The following COL4A4 variants were observed in gnomAD, a reference collection of about 807,000 sequenced individuals.
COL4A4 encodes collagen type IV alpha 4 chain, also known as collagen alpha-4(IV) chain.
COL4A4 carries 105 observed loss-of-function variants against 192.9 expected under a neutral mutation model. That is an observed-to-expected ratio of 0.54 (90% CI 0.46 to 0.64). COL4A4 has a LOEUF of 0.64. Ranked by LOEUF, COL4A4 falls within the 30% of genes least tolerant of loss-of-function variation. COL4A4 has a pLI of 0.00. For synonymous variants in COL4A4, 762 were observed against 769.9 expected, an observed-to-expected ratio of 0.99 and a Z score of 0.17; for missense variants, 1,967 against 2,169.3, an observed-to-expected ratio of 0.91 and a Z score of 1.85.
At chr2:226,988,871 A>AC in the COL4A4 span, 1 of 211,340 alleles carries the variant, frequency 4.7e-6, no homozygotes, top group Non-Finnish European at 8.2e-6. Flanking sequence ...ACTCCTTGTC[A>AC]AAGGAGATCC....
intron 29 of COL4A4, among the ~76,000 whole-genome samples, chr2:227,056,329 G>A (rs1368311471): frequency 6.6e-6 from 1 of 152,148 alleles, no homozygotes. Context: ...ATGTTTCCCA[G>A]TAGGGATGAA....
At chr2:226,970,595 G>A in the COL4A4 span, among the ~76,000 whole-genome samples, 1 of 152,204 alleles carries the variant, frequency 6.6e-6, no homozygotes, top group Admixed American at 6.5e-5. Context: ...CAGGCAGCAG[G>A]TGTGTAGCAT....
intron 31 of COL4A4, among the ~76,000 whole-genome samples, chr2:227,052,647 T>C (rs1382410812): frequency 6.6e-6 from 1 of 152,224 alleles, no homozygotes; most frequent in Non-Finnish European, 1.5e-5. Context: ...GAGTGCTCAC[T>C]GAATGTTTGC....
Position 227,103,284 on chromosome 2 carries a change from A to C in COL4A4, c.817-87T>G, listed in dbSNP as rs114177330. 1.5e-3 allele frequency: 1,640 copies of C among 1,100,028 alleles called. 10 individuals are homozygous for C. The African/African-American group carries it at 0.024, about 16-fold the overall frequency. 68.1% of individuals were successfully genotyped at this position (1,100,028 alleles called of 1,614,324 possible). A position where few individuals can be genotyped will look rare whatever the true frequency, so the allele number is the denominator to read the frequency against. On this transcript the variant is annotated intron_variant, in intron 13 of 47. Transcript: ENST00000396625. Reference sequence around the variant, plus strand: ...TCCTTCAGAAATCATCTCTTTTTACAATCTGTTTCACCTTAAAAAAAAAAA... The same window carrying C: ...TCCTTCAGAAATCATCTCTTTTTACCATCTGTTTCACCTTAAAAAAAAAAA...
chr2:226,995,758 T>C, the COL4A4 span: 1 of 523,566 alleles, frequency 1.9e-6, no homozygotes, highest in Non-Finnish European at 3.4e-6. Flanking sequence ...ACTTCCTCCA[T>C]GAAGAGACCA....
downstream of COL4A4, chr2:226,998,269 G>C (rs1959980901): frequency 6.6e-6 from 1 of 152,158 alleles, no homozygotes; most frequent in Admixed American, 6.5e-5. Context: ...CTTTTAAATT[G>C]CCTGCTGCAG....
intron 26 of COL4A4, among the ~76,000 whole-genome samples, chr2:227,060,610 G>A (rs1436377936): frequency 6.6e-6 from 1 of 152,124 alleles, no homozygotes; most frequent in African/African-American, 2.4e-5. Context: ...GGTGGCCAGT[G>A]TCTACCTTGA....
the COL4A4 span, among the ~76,000 whole-genome samples, chr2:226,984,655 G>A: frequency 5.3e-5 from 8 of 152,166 alleles, no homozygotes; most frequent in Admixed American, 3.3e-4. Flanking sequence ...CCCTGGGGTC[G>A]TAGGCTAAGG....
chr2:226,992,678 C>T, the COL4A4 span, among the ~76,000 whole-genome samples: 1 of 152,192 alleles, frequency 6.6e-6, no homozygotes, highest in Non-Finnish European at 1.5e-5. Flanking sequence ...TTTCTGTTTT[C>T]AGATAGCAGT....
At chr2:226,999,018 A>G (rs1960255626), downstream of COL4A4, 1 of 151,066 alleles carries the variant, frequency 6.6e-6, no homozygotes, top group South Asian at 2.1e-4. Flanking sequence ...AACAGACACA[A>G]CCACATCTAC....
Position 227,031,828 on chromosome 2 carries a change from C to T in COL4A4, c.3817+117G>A, listed in dbSNP as rs543108143. The stretch of plus-strand genomic sequence containing the variant: ...GTGTCCCACTTATCGACCTGCCAAG[C>T]TGATGGGGGGCTGCTTCAGTGCTTC... On this transcript the variant is annotated intron_variant, in intron 40 of 47. Coordinates refer to ENST00000396625, the MANE Select transcript of COL4A4 (RefSeq NM_000092.5). 5.4e-5 allele frequency: 43 copies of T among 801,776 alleles called. No homozygotes were observed. In the South Asian group the frequency reaches 6.0e-4, roughly 11 times the overall value. The allele number at this position is 801,776 out of a possible 1,614,324, so 49.7% of individuals were successfully genotyped here.
At chr2:226,967,908 CTG>C in the COL4A4 span, among the ~76,000 whole-genome samples, 1 of 152,102 alleles carries the variant, frequency 6.6e-6, no homozygotes, top group Non-Finnish European at 1.5e-5. Flanking sequence ...AAGAGAAACT[CTG>C]TAACCTGTTG....
intron 3 of COL4A4, among the ~76,000 whole-genome samples, chr2:227,143,562 T>C (rs929325249): frequency 1.3e-5 from 2 of 152,218 alleles, no homozygotes; most frequent in Non-Finnish European, 2.9e-5. Flanking sequence ...AGAAATTATG[T>C]TTACTTGTAT....
At chr2:227,161,485 ACT>A (rs1468177908) in intron 1 of COL4A4, among the ~76,000 whole-genome samples, 1 of 152,136 alleles carries the variant, frequency 6.6e-6, no homozygotes, top group Non-Finnish European at 1.5e-5. Context: ...TGAAAAATCA[ACT>A]CTCTTGACCC....
intron 5 of COL4A4, among the ~76,000 whole-genome samples, chr2:227,120,475 T>A (rs776947126): frequency 6.6e-6 from 1 of 152,156 alleles, no homozygotes; most frequent in Admixed American, 6.5e-5. Context: ...GTAGGTTTTT[T>A]AAAAAGCCAT....
the COL4A4 span, chr2:226,995,428 C>T: frequency 8.1e-6 from 13 of 1,596,516 alleles, no homozygotes; most frequent in Middle Eastern, 8.3e-4. Flanking sequence ...TTTCTCACTA[C>T]AGGAAATACC....
chr2:227,145,374 A>G (rs2063483616), intron 2 of COL4A4, among the ~76,000 whole-genome samples: 1 of 152,114 alleles, frequency 6.6e-6, no homozygotes, highest in Non-Finnish European at 1.5e-5. Flanking sequence ...TTGAACCCGG[A>G]AGGCAGAGAT....
chr2:227,039,781 A>G (rs558011065), intron 37 of COL4A4, among the ~76,000 whole-genome samples: 1 of 152,258 alleles, frequency 6.6e-6, no homozygotes, highest in Non-Finnish European at 1.5e-5. Flanking sequence ...AGAGATGGTC[A>G]GAGACAGGAA....
intron 25 of COL4A4, among the ~76,000 whole-genome samples, chr2:227,066,330 G>C (rs546506283): frequency 1.3e-5 from 2 of 151,810 alleles, no homozygotes; most frequent in Non-Finnish European, 2.9e-5. Context: ...AATCTAGCAA[G>C]GCAGGCCAAC....
Sources: gnomAD v4.1 joint callset for allele counts (sites outside exome capture counted in the v4.1 genomes callset) on GRCh38, gnomAD v4.1.1 for gene constraint, MANE v1.5 for transcripts, NCBI Gene and HGNC (gene_info 2026-07-23, HGNC 2026-07-21) for gene names.